ZFAND3: variants seen among roughly 807,000 people sequenced by gnomAD.
The protein encoded by ZFAND3 is AN1-type zinc finger protein 3.
In ZFAND3, 10 loss-of-function variants were observed where a neutral mutation model predicts 29.6. The ratio of observed to expected loss-of-function variants is 0.34; its 90% CI spans 0.21 to 0.57. The LOEUF is 0.57. Ranked by LOEUF, ZFAND3 falls within the 20% of genes least tolerant of loss-of-function variation. ZFAND3 has a pLI of 0.86. For synonymous variants in ZFAND3, 128 were observed against 112.6 expected (o/e 1.14, Z -0.87); for missense variants, 230 against 304.5 (o/e 0.76, Z 1.82).
In ZFAND3 at chr6:37,879,405, A is replaced by C. The variant is rs373597914; in HGVS notation, c.72-50554A>C. ...GTAGGTAGGGGAAGATTGGTGTTAG[A>C]AATGGGGGGAATTGCATGGAACCAT... On this transcript the variant is annotated intron_variant, in intron 1 of 5. Transcript: ENST00000287218. Among the ~76,000 whole-genome samples the C allele has an allele frequency of 1.8e-3, 272 of 151,744 alleles. 1 individual carries two copies. Among genetic ancestry groups the C allele is most frequent in the Middle Eastern group, 0.01 (3 of 294 alleles).
intron 1 of ZFAND3, among the ~76,000 whole-genome samples, chr6:37,922,237 A>T (rs1391363772): frequency 1.3e-5 from 2 of 152,204 alleles, no homozygotes; most frequent in Non-Finnish European, 2.9e-5. Flanking sequence ...ATTCAAATAC[A>T]GATTTATGAT....
At chr6:38,105,813 G>A (rs147852089) in intron 4 of ZFAND3, among the ~76,000 whole-genome samples, 21 of 152,150 alleles carry the variant, frequency 1.4e-4, no homozygotes, top group East Asian at 7.7e-4. Context: ...AAATGGGCTC[G>A]GAACATTCCT....
chr6:37,890,453 T>C (rs1185204229), intron 1 of ZFAND3, among the ~76,000 whole-genome samples: 3 of 152,240 alleles, frequency 2.0e-5, no homozygotes, highest in African/African-American at 7.2e-5. Context: ...TGTTACTATC[T>C]GAATGGCTGC....
chr6:38,020,107 A>T (rs558136861), intron 2 of ZFAND3, among the ~76,000 whole-genome samples: 1 of 152,218 alleles, frequency 6.6e-6, no homozygotes, highest in Non-Finnish European at 1.5e-5. Context: ...ATCCAGGCAC[A>T]TGGGCAAATC....
chr6:38,012,397 G>A (rs1164125540), intron 2 of ZFAND3, among the ~76,000 whole-genome samples: 1 of 57,344 alleles, frequency 1.7e-5, no homozygotes, highest in Non-Finnish European at 3.3e-5. Flanking sequence ...TTTTTTTTTT[G>A]AGTCGGAGTC....
rs961910051 is a variant in ZFAND3, at chr6:37,824,683, G to C, written c.71+4667G>C. ...GAATAGTTAAATATGGGGCTTATTA[G>C]GTAAATTATTCATTGTTTTGATTTT... On this transcript the variant is annotated intron_variant, in intron 1 of 5. Coordinates refer to ENST00000287218, the MANE Select transcript of ZFAND3 (RefSeq NM_021943.3). 7.9e-5 allele frequency among the ~76,000 whole-genome samples: 12 copies of C among 152,202 alleles called. No homozygotes were observed. The South Asian group carries it at 1.7e-3, about 21-fold the overall frequency.
chr6:37,894,093 A>G (rs1463993758), intron 1 of ZFAND3, among the ~76,000 whole-genome samples: 1 of 151,994 alleles, frequency 6.6e-6, no homozygotes, highest in Non-Finnish European at 1.5e-5. Context: ...CATTTCTACA[A>G]AAATACAGAA....
chr6:37,996,762 GTGTATAAATATATT>G (rs1375285427), intron 2 of ZFAND3, among the ~76,000 whole-genome samples: 1 of 151,994 alleles, frequency 6.6e-6, no homozygotes, highest in Non-Finnish European at 1.5e-5. Flanking sequence ...TATTTTTGCA[GTGTATAAATATATT>G]TGTAACCTTA....
intron 2 of ZFAND3, among the ~76,000 whole-genome samples, chr6:37,992,656 C>A (rs1054238174): frequency 2.6e-5 from 4 of 152,088 alleles, no homozygotes; most frequent in Non-Finnish European, 4.4e-5. Context: ...AGAAAAATAT[C>A]AATAATTCCA....
At chr6:37,956,834 G>C (rs1762092894) in intron 2 of ZFAND3, among the ~76,000 whole-genome samples, 3 of 152,176 alleles carry the variant, frequency 2.0e-5, no homozygotes, top group African/African-American at 7.2e-5. Flanking sequence ...AGTGCTAAGT[G>C]TGGAAGCCAG....
intron 1 of ZFAND3, among the ~76,000 whole-genome samples, chr6:37,906,693 ACTTT>A (rs1027865363): frequency 1.6e-5 from 2 of 128,850 alleles, no homozygotes; most frequent in Admixed American, 7.7e-5. Context: ...GCCAACACTT[ACTTT>A]CTGTTTTTTT....
In ZFAND3 at chr6:37,921,732, A is replaced by G. The variant is rs576977092; in HGVS notation, c.72-8227A>G. ...ATTTAACAACATAATCATTTCTGCCATCAAGTAAAAATTAAAAAGTACAAC... is the reference window on the plus strand; with the variant it reads ...ATTTAACAACATAATCATTTCTGCCGTCAAGTAAAAATTAAAAAGTACAAC... On this transcript the variant is annotated intron_variant, in intron 1 of 5. Transcript: ENST00000287218. 1.3e-4 allele frequency among the ~76,000 whole-genome samples: 20 copies of G among 152,298 alleles called. 1 individual carries two copies. The East Asian group carries it at 3.9e-3, about 29-fold the overall frequency.
Position 38,152,836 on chromosome 6 carries a change from C to T in ZFAND3, c.*447C>T, listed in dbSNP as rs553086392. ...TCGGCCTTTCACCTCTTCACTTATC[C>T]TTAGTCCCAGTAGCCAGGATACCTG... On this transcript the variant is annotated 3_prime_UTR_variant, in exon 6 of 6. Transcript: ENST00000287218. The T allele has an allele frequency of 6.5e-4, 643 of 986,284 alleles. No homozygotes were observed. The highest frequency in any genetic ancestry group is 3.6e-3 in the African/African-American group (208 of 57,348). 61.1% of individuals were successfully genotyped at this position (986,284 alleles called of 1,614,324 possible).
intron 5 of ZFAND3, among the ~76,000 whole-genome samples, chr6:38,127,647 G>A (rs540298133): frequency 3.3e-5 from 5 of 151,642 alleles, no homozygotes; most frequent in African/African-American, 7.3e-5. Flanking sequence ...ATAGAATCAC[G>A]TACCACCAGA....
At chr6:37,841,700 G>C (rs1764079414) in intron 1 of ZFAND3, among the ~76,000 whole-genome samples, 1 of 152,104 alleles carries the variant, frequency 6.6e-6, no homozygotes, top group African/African-American at 2.4e-5. Flanking sequence ...AGCCAGGATG[G>C]TCTCGATCTC....
chr6:37,841,095 C>G (rs1764064373), intron 1 of ZFAND3, among the ~76,000 whole-genome samples: 1 of 151,864 alleles, frequency 6.6e-6, no homozygotes, highest in African/African-American at 2.4e-5. Flanking sequence ...ATAGAAAAAT[C>G]AACACAGAGG....
chr6:38,151,114 A>G (rs1025549133), intron 5 of ZFAND3, among the ~76,000 whole-genome samples: 1 of 152,048 alleles, frequency 6.6e-6, no homozygotes, highest in Non-Finnish European at 1.5e-5. Flanking sequence ...CGCTCTAGAG[A>G]TTGCCTGGGA....
At chr6:37,862,107 T>C (rs1764503082) in intron 1 of ZFAND3, among the ~76,000 whole-genome samples, 1 of 147,334 alleles carries the variant, frequency 6.8e-6, no homozygotes, top group African/African-American at 2.7e-5. Flanking sequence ...TTGATTTCTG[T>C]TTACTTTTTT....
chr6:37,843,647 G>A (rs1252401538), intron 1 of ZFAND3, among the ~76,000 whole-genome samples: 2 of 152,182 alleles, frequency 1.3e-5, no homozygotes, highest in Non-Finnish European at 2.9e-5. Context: ...AGAGACCAGT[G>A]TTTGCTTAAT....
Sources: allele counts gnomAD v4.1 joint callset (sites outside exome capture counted in the v4.1 genomes callset), GRCh38; gene constraint gnomAD v4.1.1; transcripts MANE v1.5; gene names NCBI Gene and HGNC (gene_info 2026-07-23, HGNC 2026-07-21).